RECK: variants seen among roughly 807,000 people sequenced by gnomAD.
RECK encodes the protein reversion-inducing cysteine-rich protein with Kazal motifs.
Under a neutral mutation model 115.1 loss-of-function variants are expected in RECK, and 69 were observed. That is an observed-to-expected ratio of 0.60 (90% CI 0.49 to 0.73). The LOEUF is 0.73. Among genes scored for constraint, RECK ranks in the 30% least tolerant of loss-of-function variants. The pLI, the probability that RECK is intolerant of heterozygous loss-of-function variation, is 0.00. For synonymous variants in RECK, 414 were observed against 419.7 expected (o/e 0.99, Z 0.17); for missense variants, 1,047 against 1,203.7 (o/e 0.87, Z 1.93).
chr9:36,082,399 G>A (rs1451707722), intron 7 of RECK, among the ~76,000 whole-genome samples: 4 of 151,914 alleles, frequency 2.6e-5, no homozygotes, highest in African/African-American at 4.8e-5. Flanking sequence ...GCCCAGGCTG[G>A]TCTCAAACTC....
chr9:36,050,049 A>G (rs901725982), intron 1 of RECK, among the ~76,000 whole-genome samples: 3 of 152,096 alleles, frequency 2.0e-5, no homozygotes, highest in Non-Finnish European at 4.4e-5. Context: ...TGAAGGAGGG[A>G]ATGCATTGCT....
intron 7 of RECK, among the ~76,000 whole-genome samples, 155 bp downstream of exon 7, chr9:36,080,793 C>T (rs956468586): frequency 6.6e-6 from 1 of 152,162 alleles, no homozygotes; most frequent in Non-Finnish European, 1.5e-5. Flanking sequence ...TGTAGATCTA[C>T]AATGCAGATA....
chr9:36,117,630 T>G (rs1332565700), intron 17 of RECK, among the ~76,000 whole-genome samples: 1 of 152,208 alleles, frequency 6.6e-6, no homozygotes, highest in Non-Finnish European at 1.5e-5. Flanking sequence ...CTTAATGTCT[T>G]TTTACATCAG....
chr9:36,111,959 A>C lies in RECK; in HGVS notation c.1889-346A>C, dbSNP rs76255170. Among the ~76,000 whole-genome samples, 66 of 113,330 alleles carry C rather than the reference A, an allele frequency of 5.8e-4. 2 individuals are homozygous for C. The South Asian group carries it at 0.017, about 30-fold the overall frequency. 74.3% of individuals were successfully genotyped at this position (113,330 alleles called of 152,430 possible). A position where few individuals can be genotyped will look rare whatever the true frequency, so the allele number is the denominator to read the frequency against. On this transcript the variant is annotated intron_variant, in intron 15 of 20. Coordinates refer to ENST00000377966, the MANE Select transcript of RECK (RefSeq NM_021111.3). ...GCCTTTAAAAACCCTGTCAGAATAC[A>C]AAAAAAAAAAAAAATTAGCTGGGCG...
intron 1 of RECK, among the ~76,000 whole-genome samples, chr9:36,042,863 G>A (rs1221330340): frequency 6.6e-6 from 1 of 151,792 alleles, no homozygotes; most frequent in Non-Finnish European, 1.5e-5. Flanking sequence ...TTCTAATTAT[G>A]GCTATTCTTG....
At chr9:36,059,843 A>G (rs1438624198) in intron 3 of RECK, among the ~76,000 whole-genome samples, 1 of 152,230 alleles carries the variant, frequency 6.6e-6, no homozygotes, top group Admixed American at 6.5e-5. Context: ...TTTAGTCTTC[A>G]GTTTTGTCTA....
intron 6 of RECK, among the ~76,000 whole-genome samples, chr9:36,070,667 A>G (rs1296466439): frequency 6.6e-6 from 1 of 152,176 alleles, no homozygotes; most frequent in Non-Finnish European, 1.5e-5. Flanking sequence ...GACTTACTGG[A>G]TTCATCATGT....
At position 36,122,976 on chromosome 9, in the gene RECK, T is replaced by C; in HGVS notation, c.2847T>C (p.Pro949=). Residue 949 remains proline (P), a synonymous_variant, in exon 21 of 21, where the codon CCT becomes CCC. Transcript: ENST00000377966. ...SVPSAGVRAR[P]SCHSLLLPLS... is the part of the protein sequence containing the mutation. ...CATCGGCCGGTGTCAGGGCCAGGCC[T>C]TCTTGCCACTCCCTCCTCCTTCCCC... 1 of 1,614,152 alleles carries C rather than the reference T, an allele frequency of 6.2e-7. No homozygotes were observed.
In RECK at chr9:36,117,429, T is replaced by C. The variant is rs545077442; in HGVS notation, c.2253+252T>C. ...AGAGTGGCTTCTTGCAGTCCACTCC[T>C]AGGAAAAGAACTTAAAAGTTTCACA... is the stretch of plus-strand genomic sequence containing the variant. On this transcript the variant is annotated intron_variant, in intron 17 of 20. Transcript: ENST00000377966. Among the ~76,000 whole-genome samples the C allele has an allele frequency of 2.0e-5, 3 of 152,294 alleles. No individual in the cohort carries two copies. The South Asian group carries it at 6.2e-4, about 32-fold the overall frequency.
intron 6 of RECK, among the ~76,000 whole-genome samples, chr9:36,070,825 G>A (rs1288048871): frequency 6.6e-6 from 1 of 152,128 alleles, no homozygotes; most frequent in African/African-American, 2.4e-5. Context: ...TGATTGTGGG[G>A]TCACCAGACC....
intron 18 of RECK, 30 bp downstream of exon 18, chr9:36,118,997 G>A (rs776461640): frequency 1.9e-6 from 3 of 1,595,990 alleles, no homozygotes; most frequent in South Asian, 2.2e-5. Context: ...GTGGACAGGG[G>A]AGGACTGAGA....
chr9:36,042,660 T>A (rs1820915098), intron 1 of RECK, among the ~76,000 whole-genome samples: 1 of 151,524 alleles, frequency 6.6e-6, no homozygotes. Flanking sequence ...AGTGTCTTTT[T>A]CATATGACTT....
At chr9:36,056,338 T>A (rs1821525290) in intron 2 of RECK, among the ~76,000 whole-genome samples, 1 of 152,206 alleles carries the variant, frequency 6.6e-6, no homozygotes, top group African/African-American at 2.4e-5. Flanking sequence ...AAAAGGTTTT[T>A]TTAGTTTGGA....
intron 2 of RECK, among the ~76,000 whole-genome samples, chr9:36,055,887 G>A (rs1163127052): frequency 1.3e-5 from 2 of 152,096 alleles, no homozygotes; most frequent in African/African-American, 4.8e-5. Flanking sequence ...AGCCTTCCCT[G>A]TGCTTTTTCC....
At chr9:36,096,079 A>G (rs1043686857) in intron 10 of RECK, among the ~76,000 whole-genome samples, 8 of 150,742 alleles carry the variant, frequency 5.3e-5, no homozygotes, top group Non-Finnish European at 8.9e-5. Flanking sequence ...AAAAAAAAAA[A>G]AAAAAAAATT....
At chr9:36,079,579 G>A (rs1822597564) in intron 6 of RECK, among the ~76,000 whole-genome samples, 1 of 152,174 alleles carries the variant, frequency 6.6e-6, no homozygotes, top group Non-Finnish European at 1.5e-5. Flanking sequence ...GCTACATAGA[G>A]GGATCTTTGA....
chr9:36,078,269 T>A (rs1054585707), intron 6 of RECK, among the ~76,000 whole-genome samples: 2 of 152,270 alleles, frequency 1.3e-5, no homozygotes, highest in Non-Finnish European at 2.9e-5. Context: ...TTGGACTAGA[T>A]GATTTCTCAC....
chr9:36,041,769 T>TC (rs1272077592), intron 1 of RECK, among the ~76,000 whole-genome samples: 2 of 121,830 alleles, frequency 1.6e-5, no homozygotes, highest in East Asian at 4.9e-4. Context: ...TCAATCAGCT[T>TC]CCTTTTTTTT....
At chr9:36,061,458 C>A (rs1280862340) in intron 4 of RECK, among the ~76,000 whole-genome samples, 2 of 143,706 alleles carry the variant, frequency 1.4e-5, no homozygotes, top group Admixed American at 7.0e-5. Flanking sequence ...AAACTGTAAT[C>A]TCCCAAATAG....
Sources: gnomAD v4.1 joint callset for allele counts (sites outside exome capture counted in the v4.1 genomes callset) on GRCh38, gnomAD v4.1.1 for gene constraint, MANE v1.5 for transcripts, NCBI Gene and HGNC (gene_info 2026-07-23, HGNC 2026-07-21) for gene names.